Variants in ZEB2 observed in about 807,000 individuals in gnomAD.
The protein encoded by ZEB2 is zinc finger E-box binding homeobox 2, also known as zinc finger E-box-binding homeobox 2.
A neutral mutation model predicts 99.9 loss-of-function variants in ZEB2; 6 were observed. That is an observed-to-expected ratio of 0.06 (90% CI 0.03 to 0.12). ZEB2 has a LOEUF of 0.12. ZEB2 is among the 10% of genes least tolerant of loss of function. The pLI is 1.00. For synonymous variants in ZEB2, 517 were observed against 542.5 expected, an observed-to-expected ratio of 0.95 and a Z score of 0.65; for missense variants, 969 against 1,502.8, an observed-to-expected ratio of 0.64 and a Z score of 5.87.
intron 4 of ZEB2, among the ~76,000 whole-genome samples, chr2:144,409,196 T>C (rs907152392): frequency 6.6e-6 from 1 of 152,098 alleles, no homozygotes; most frequent in Non-Finnish European, 1.5e-5. Context: ...GAAGGTATGT[T>C]GTGTTTCAGT....
Position 144,399,873 on chromosome 2 carries a change from G to A in ZEB2, c.1314C>T (p.His438=), listed in dbSNP as rs1384264168. Residue 438 remains histidine, a synonymous_variant, in exon 8 of 10, where the codon CAC becomes CAT. Coordinates refer to ENST00000627532, the MANE Select transcript of ZEB2 (RefSeq NM_014795.4). The surrounding 1 kb of genome is among the most constrained non-coding windows in gnomAD (Gnocchi z 5.6). The part of the protein sequence containing the change: ...VHPSAQSPMQ[H]LGVGMEAPLL... ...AAGGGGCTTCCATCCCTACACCTAA[G>A]TGCTGCATTGGACTCTGAGCAGATG... 6.2e-7 allele frequency: 1 copy of A among 1,614,078 alleles called. No individual in the cohort carries two copies. Among genetic ancestry groups the A allele is most frequent in the South Asian group, 1.1e-5 (1 of 91,090 alleles).
chr2:144,453,343 A>AC (rs1333008816), intron 2 of ZEB2, among the ~76,000 whole-genome samples: 1 of 152,232 alleles, frequency 6.6e-6, no homozygotes, highest in Non-Finnish European at 1.5e-5. Context: ...ACTTGTGGCT[A>AC]CCATGAGGCC....
At chr2:144,496,715 A>G (rs542681427) in intron 2 of ZEB2, 1 of 152,262 alleles carries the variant, frequency 6.6e-6, no homozygotes, top group Non-Finnish European at 1.5e-5. Context: ...AATAGTATGA[A>G]AATAATAGTA....
At chr2:144,423,512 C>T (rs978904679) in intron 4 of ZEB2, among the ~76,000 whole-genome samples, 2 of 152,236 alleles carry the variant, frequency 1.3e-5, no homozygotes, top group East Asian at 1.9e-4. Flanking sequence ...TGAATCTATT[C>T]GTTTTGCAGT....
intron 4 of ZEB2, among the ~76,000 whole-genome samples, chr2:144,423,690 A>T (rs555286459): frequency 5.8e-4 from 88 of 152,296 alleles, no homozygotes; most frequent in African/African-American, 2.1e-3. Context: ...ACATTATTCG[A>T]ATGAATAGAA....
At chr2:144,432,197 T>A (rs1351225395) in intron 2 of ZEB2, among the ~76,000 whole-genome samples, 1 of 152,122 alleles carries the variant, frequency 6.6e-6, no homozygotes, top group Non-Finnish European at 1.5e-5. Flanking sequence ...TGAAGTCATG[T>A]CTCACCATAT....
intron 2 of ZEB2, chr2:144,511,521 C>A (rs1283997129): frequency 7.8e-7 from 1 of 1,281,836 alleles, no homozygotes; most frequent in South Asian, 1.3e-5. Flanking sequence ...TCCATGGAGC[C>A]TACTGATTAT....
chr2:144,407,854 C>T (rs770584965), intron 4 of ZEB2, among the ~76,000 whole-genome samples: 5 of 152,178 alleles, frequency 3.3e-5, no homozygotes, highest in Admixed American at 2.6e-4. Flanking sequence ...ATTTAATATC[C>T]TAATTTTATC....
intron 2 of ZEB2, among the ~76,000 whole-genome samples, chr2:144,432,668 C>T (rs1406664833): frequency 6.6e-6 from 1 of 152,096 alleles, no homozygotes; most frequent in African/African-American, 2.4e-5. Context: ...AAATTTTCAC[C>T]ATAAAATATT....
intron 1 of ZEB2, chr2:144,517,683 T>C (rs1228459038): frequency 1.4e-6 from 1 of 700,268 alleles, no homozygotes; most frequent in Admixed American, 2.0e-5. Flanking sequence ...TCATAACTCC[T>C]GACCGTATGA....
In ZEB2 at chr2:144,390,047, T is replaced by C. The variant is rs754845510; in HGVS notation, c.3068-19A>G. On this transcript the variant is annotated intron_variant, in intron 9 of 9. Transcript: ENST00000627532. ...CTTTTTCCTGGGAGAAAGAACAAGA[T>C]GACAGGGTGATTAGTGTCTTTGCAT... 4 of 1,598,882 alleles carry C rather than the reference T, an allele frequency of 2.5e-6. No homozygotes were observed. The Admixed American group carries it at 5.0e-5, about 20-fold the overall frequency.
intron 2 of ZEB2, among the ~76,000 whole-genome samples, chr2:144,470,109 A>G (rs1384242924): frequency 4.6e-5 from 7 of 152,214 alleles, no homozygotes. Context: ...TAAACTAAAC[A>G]GCTTAATCTC....
At chr2:144,397,330 A>C (rs1703243165) in intron 8 of ZEB2, among the ~76,000 whole-genome samples, 1 of 152,236 alleles carries the variant, frequency 6.6e-6, no homozygotes, top group African/African-American at 2.4e-5. Context: ...GAGAAGATTA[A>C]ATAGGCTTAA....
chr2:144,453,773 CA>C (rs1704084707), intron 2 of ZEB2, among the ~76,000 whole-genome samples: 1 of 151,944 alleles, frequency 6.6e-6, no homozygotes, highest in African/African-American at 2.4e-5. Context: ...CATCACTCAA[CA>C]AAAAACAAAA....
intron 8 of ZEB2, chr2:144,397,817 T>C (rs1001535727): frequency 2.9e-5 from 8 of 273,386 alleles, no homozygotes; most frequent in African/African-American, 1.6e-4. Context: ...ATTTTTGTAT[T>C]TTTAGGACAG....
chr2:144,402,351 A>C (rs1457405372), intron 6 of ZEB2, among the ~76,000 whole-genome samples: 1 of 152,138 alleles, frequency 6.6e-6, no homozygotes, highest in Non-Finnish European at 1.5e-5. Context: ...CCACATTCCT[A>C]GTGAGACAGA....
intron 2 of ZEB2, among the ~76,000 whole-genome samples, chr2:144,452,833 C>T (rs185955423): frequency 9.9e-5 from 15 of 152,264 alleles, no homozygotes; most frequent in Non-Finnish European, 1.9e-4. Context: ...AAAACATTTA[C>T]GTGGGGACAG....
chr2:144,517,409 G>A lies in ZEB2; in HGVS notation c.-59C>T. The A allele has an allele frequency of 6.3e-7, 1 of 1,593,308 alleles. No homozygotes were observed. The highest frequency in any genetic ancestry group is 8.6e-7 in the Non-Finnish European group (1 of 1,162,260). ...ACTCGGCGCCCTGCTTCGGCAGCAC[G>A]CAGGCTCGATCTAGCAACCAAACAC... On this transcript the variant is annotated 5_prime_UTR_variant, in exon 2 of 10. Coordinates refer to ENST00000627532, the MANE Select transcript of ZEB2 (RefSeq NM_014795.4).
chr2:144,497,678 C>A (rs1704784573), intron 2 of ZEB2: 1 of 166,292 alleles, frequency 6.0e-6, no homozygotes, highest in South Asian at 2.0e-4. Context: ...ACATGGCAAA[C>A]TTTGAAACAA....
Sources: gnomAD v4.1 joint callset for allele counts (sites outside exome capture counted in the v4.1 genomes callset) on GRCh38, gnomAD v4.1.1 for gene constraint, Gnocchi (gnomAD v3.1) non-coding constraint, MANE v1.5 for transcripts, NCBI Gene and HGNC (gene_info 2026-07-23, HGNC 2026-07-21) for gene names.